Variants in SYNPR observed in about 807,000 individuals in gnomAD.
SYNPR encodes the protein synaptoporin.
In SYNPR, 23 loss-of-function variants were observed where a neutral mutation model predicts 32.9. That is an observed-to-expected ratio of 0.70 (90% CI 0.50 to 0.99). The LOEUF is 0.99. Among genes scored for constraint, SYNPR ranks in the 50% least tolerant of loss-of-function variants. SYNPR has a pLI of 0.00. For missense variants in SYNPR, 318 were observed against 349.3 expected, an observed-to-expected ratio of 0.91 and a Z score of 0.71; for synonymous variants, 146 against 135.9, an observed-to-expected ratio of 1.07 and a Z score of -0.52.
intron 1 of SYNPR, among the ~76,000 whole-genome samples, chr3:63,250,557 G>C (rs896327818): frequency 2.0e-5 from 3 of 152,100 alleles, no homozygotes; most frequent in African/African-American, 7.2e-5. Context: ...ACAAGTCTAA[G>C]GTGACATGGT....
intron 2 of SYNPR, among the ~76,000 whole-genome samples, chr3:63,432,113 A>T (rs954208009): frequency 2.2e-4 from 33 of 152,180 alleles, no homozygotes; most frequent in African/African-American, 7.5e-4. Flanking sequence ...AATACCTCTG[A>T]AGCATGTTCA....
chr3:63,556,590 G>A lies in SYNPR; in HGVS notation c.257G>A (p.Arg86Gln), dbSNP rs879596525. Residue 86 changes from arginine (R) to glutamine (Q), a missense_variant, in exon 4 of 6, where the codon CGG (arginine) becomes CAG (glutamine). Transcript: ENST00000478300. ...FEVPTCEGKERQKLALIGDSS... is the reference protein window; with the variant it reads ...FEVPTCEGKEQQKLALIGDSS... ...GTGCCCACCTGCGAGGGAAAGGAAC[G>A]GCAGAAGCTGGCATTGATTGGTGAC... 16 of 1,613,506 alleles carry A rather than the reference G, an allele frequency of 9.9e-6. No homozygotes were observed. In the African/African-American group the frequency reaches 1.5e-4, roughly 15 times the overall value.
chr3:63,467,155 C>A (rs1039102491), intron 2 of SYNPR, among the ~76,000 whole-genome samples: 27 of 152,070 alleles, frequency 1.8e-4, no homozygotes, highest in African/African-American at 6.5e-4. Context: ...GGACTACAGG[C>A]GCATGCCACC....
At chr3:63,451,552 C>T (rs1253347375) in intron 2 of SYNPR, among the ~76,000 whole-genome samples, 2 of 152,116 alleles carry the variant, frequency 1.3e-5, no homozygotes, top group African/African-American at 4.8e-5. Flanking sequence ...GACCCTGTTA[C>T]CCCCATCAGT....
intron 2 of SYNPR, among the ~76,000 whole-genome samples, chr3:63,317,129 T>C (rs1053765029): frequency 5.3e-5 from 8 of 152,014 alleles, no homozygotes; most frequent in African/African-American, 1.7e-4. Context: ...CTTAAATGTA[T>C]TGTGGCTCAT....
intron 3 of SYNPR, chr3:63,545,491 G>T (rs534513635): frequency 1.8e-4 from 28 of 152,182 alleles, no homozygotes; most frequent in Middle Eastern, 3.4e-3. Context: ...GCTAAACAGG[G>T]TCGGGCCTGG....
chr3:63,309,862 C>G (rs905366031), intron 2 of SYNPR, among the ~76,000 whole-genome samples: 1 of 151,968 alleles, frequency 6.6e-6, no homozygotes, highest in African/African-American at 2.4e-5. Flanking sequence ...TACAGGGGTT[C>G]TAGTTTCCCA....
upstream of SYNPR, among the ~76,000 whole-genome samples, chr3:63,277,944 A>ATT (rs148977379): frequency 6.6e-6 from 1 of 152,054 alleles, no homozygotes; most frequent in African/African-American, 2.4e-5. Flanking sequence ...ACAAATAGTT[A>ATT]TTTTTTTATT....
chr3:63,471,173 G>C (rs1351528965), intron 2 of SYNPR, among the ~76,000 whole-genome samples: 1 of 152,178 alleles, frequency 6.6e-6, no homozygotes. Flanking sequence ...TTCAATTTTT[G>C]ACAGGTAGCA....
At chr3:63,267,629 CA>C (rs1378259393) in intron 3 of SYNPR, among the ~76,000 whole-genome samples, 3 of 152,038 alleles carry the variant, frequency 2.0e-5, no homozygotes, top group Non-Finnish European at 4.4e-5. Flanking sequence ...GAAGAGACAC[CA>C]GGAGAGAAAG....
At chr3:63,453,868 T>C (rs1213036024) in intron 2 of SYNPR, among the ~76,000 whole-genome samples, 2 of 152,124 alleles carry the variant, frequency 1.3e-5, no homozygotes, top group East Asian at 3.8e-4. Flanking sequence ...AATAAATAAA[T>C]CACAACTATT....
chr3:63,436,260 C>A (rs1243323784), intron 2 of SYNPR, among the ~76,000 whole-genome samples: 1 of 151,488 alleles, frequency 6.6e-6, no homozygotes, highest in African/African-American at 2.4e-5. Context: ...TATGCATGTG[C>A]CAGGTTGGTG....
At chr3:63,361,220 C>T (rs1224425636) in intron 2 of SYNPR, among the ~76,000 whole-genome samples, 1 of 152,030 alleles carries the variant, frequency 6.6e-6, no homozygotes, top group Admixed American at 6.6e-5. Flanking sequence ...TAAAATTACA[C>T]CTGCAGGATG....
intron 3 of SYNPR, among the ~76,000 whole-genome samples, chr3:63,504,141 A>G (rs1701539947): frequency 6.6e-6 from 1 of 152,156 alleles, no homozygotes; most frequent in Admixed American, 6.6e-5. Flanking sequence ...TTTACCAAAG[A>G]ATATGCTGAT....
At chr3:63,537,344 A>G (rs1044329155) in intron 3 of SYNPR, among the ~76,000 whole-genome samples, 1 of 151,678 alleles carries the variant, frequency 6.6e-6, no homozygotes, top group African/African-American at 2.4e-5. Context: ...TTCTTCCTTC[A>G]TGAGTTGGCT....
intron 3 of SYNPR, among the ~76,000 whole-genome samples, chr3:63,506,304 C>A (rs114723301): frequency 8.4e-4 from 128 of 152,238 alleles, no homozygotes; most frequent in African/African-American, 2.8e-3. Context: ...ATGCTTCTTT[C>A]CAAATCTGCA....
chr3:63,329,208 AT>A (rs1208153430), intron 2 of SYNPR, among the ~76,000 whole-genome samples: 1 of 152,184 alleles, frequency 6.6e-6, no homozygotes, highest in Non-Finnish European at 1.5e-5. Context: ...TTAATACATT[AT>A]TTTATTATGA....
Position 63,606,417 on chromosome 3 carries a change from C to CTTTTTTTT in SYNPR, c.409-2693_409-2686dup, listed in dbSNP as rs61299069. Among the ~76,000 whole-genome samples, 266 of 68,210 alleles carry CTTTTTTTT rather than the reference C, an allele frequency of 3.9e-3. 32 individuals carry two copies. The highest frequency in any genetic ancestry group is 9.4e-3 in the African/African-American group (176 of 18,718). 44.7% of individuals were successfully genotyped at this position (68,210 alleles called of 152,430 possible). A position where few individuals can be genotyped will look rare whatever the true frequency, so the allele number is the denominator to read the frequency against. ...AATTAAGCAGGACCTCAAATCCTTT[C>CTTTTTTTT]TTTTTTTTTTTTTTTTTTTTTTAGC... On this transcript the variant is annotated intron_variant, in intron 4 of 5. Transcript: ENST00000478300.
At chr3:63,262,658 C>G (rs549754343) in intron 2 of SYNPR, among the ~76,000 whole-genome samples, 6 of 152,114 alleles carry the variant, frequency 3.9e-5, no homozygotes, top group Non-Finnish European at 7.4e-5. Context: ...GGGACCGTGC[C>G]AAAGCCCAGC....
Sources: allele counts gnomAD v4.1 joint callset (sites outside exome capture counted in the v4.1 genomes callset), GRCh38; gene constraint gnomAD v4.1.1; transcripts MANE v1.5; gene names NCBI Gene and HGNC (gene_info 2026-07-23, HGNC 2026-07-21).